Variants in GSAP observed in about 807,000 individuals in gnomAD.
The protein encoded by GSAP is gamma-secretase activating protein.
In GSAP, 118 loss-of-function variants were observed where a neutral mutation model predicts 131.7. That is an observed-to-expected ratio of 0.90 (90% CI 0.77 to 1.04). The LOEUF is 1.04. Ranked by LOEUF, GSAP falls within the 50% of genes least tolerant of loss-of-function variation. GSAP has a pLI of 0.00. For missense variants in GSAP, 1,019 were observed against 1,013.2 expected (o/e 1.01, Z -0.08); for synonymous variants, 381 against 363.4 (o/e 1.05, Z -0.55).
At chr7:77,313,335 G>A (rs906924909) in intron 28 of GSAP, among the ~76,000 whole-genome samples, 153 bp downstream of exon 28, 1 of 152,226 alleles carries the variant, frequency 6.6e-6, no homozygotes, top group Non-Finnish European at 1.5e-5. Flanking sequence ...CTAACAGAGG[G>A]CTGGGGACGG....
intron 12 of GSAP, among the ~76,000 whole-genome samples, chr7:77,367,397 CAG>C (rs989811763): frequency 6.6e-6 from 1 of 152,136 alleles, no homozygotes; most frequent in African/African-American, 2.4e-5. Context: ...CTAGTTTATT[CAG>C]AGTTTTTAAC....
intron 1 of GSAP, chr7:77,415,852 C>T (rs909236958): frequency 1.4e-5 from 3 of 220,044 alleles, no homozygotes; most frequent in Admixed American, 5.9e-5. Flanking sequence ...GATGAACCCC[C>T]CGGGAGGTGG....
intron 5 of GSAP, among the ~76,000 whole-genome samples, chr7:77,396,190 T>G (rs368269441): frequency 2.5e-3 from 384 of 151,796 alleles, no homozygotes; most frequent in African/African-American, 8.5e-3. Context: ...AGTCCCTATA[T>G]CTCTTGAACT....
intron 3 of GSAP, among the ~76,000 whole-genome samples, chr7:77,398,128 C>T (rs944891031): frequency 6.6e-6 from 1 of 152,150 alleles, no homozygotes; most frequent in African/African-American, 2.4e-5. Flanking sequence ...TAGGCAGGCT[C>T]TCTTAAAGAA....
At chr7:77,346,263 T>C (rs1334632066) in intron 19 of GSAP, among the ~76,000 whole-genome samples, 8 of 61,004 alleles carry the variant, frequency 1.3e-4, no homozygotes, top group African/African-American at 1.8e-4. Context: ...AGAATGAGAC[T>C]CCATCTCAAA....
intron 4 of GSAP, 57 bp from the exon 5 acceptor site, chr7:77,397,092 A>C: frequency 8.5e-7 from 1 of 1,170,394 alleles, no homozygotes; most frequent in Non-Finnish European, 1.3e-6. Context: ...AGCTTGTTAA[A>C]GTTTACCAGT....
intron 24 of GSAP, 50 bp downstream of exon 24, chr7:77,323,597 T>C (rs1191539858): frequency 1.1e-6 from 1 of 873,328 alleles, no homozygotes; most frequent in South Asian, 1.5e-5. Context: ...CAGAACTATA[T>C]GGGGAGTGGG....
At chr7:77,326,066 T>TG in intron 23 of GSAP, 146 bp downstream of exon 23, 2 of 611,182 alleles carry the variant, frequency 3.3e-6, no homozygotes, top group Non-Finnish European at 5.8e-6. Context: ...TGCTTACCAC[T>TG]GGGCACACAA....
Position 77,351,389 on chromosome 7 carries a change from C to T in GSAP, c.1491+1555G>A, listed in dbSNP as rs2150841816. 3.1e-6 allele frequency: 3 copies of T among 975,774 alleles called. 1 individual carries two copies. The highest frequency in any genetic ancestry group is 9.5e-5 in the South Asian group (2 of 21,044). 60.4% of individuals were successfully genotyped at this position (975,774 alleles called of 1,614,324 possible). Reference sequence around the variant, plus strand: ...GTTGTCTCCTACAAAAATGTGAAATCCATGTTTTCGCCTGTGGAAACTTTT... The same window carrying T: ...GTTGTCTCCTACAAAAATGTGAAATTCATGTTTTCGCCTGTGGAAACTTTT... On this transcript the variant is annotated intron_variant, in intron 18 of 30. Coordinates refer to ENST00000257626, the MANE Select transcript of GSAP (RefSeq NM_017439.4).
chr7:77,367,963 T>G (rs1198229607), intron 12 of GSAP, among the ~76,000 whole-genome samples: 1 of 152,210 alleles, frequency 6.6e-6, no homozygotes, highest in Non-Finnish European at 1.5e-5. Flanking sequence ...TATCTGTCTC[T>G]TCTAGGTTTT....
chr7:77,319,267 A>C (rs1189864835), intron 26 of GSAP, among the ~76,000 whole-genome samples: 1 of 152,240 alleles, frequency 6.6e-6, no homozygotes, highest in African/African-American at 2.4e-5. Flanking sequence ...CAAAGATTGC[A>C]GACAAATGGC....
At chr7:77,328,249 G>A (rs976871274) in intron 22 of GSAP, 38 of 1,042,530 alleles carry the variant, frequency 3.6e-5, no homozygotes, top group African/African-American at 3.0e-4. Flanking sequence ...GGCAAGACCC[G>A]GTAGGATCAG....
chr7:77,323,325 A>G lies in GSAP; in HGVS notation c.1923+322T>C, dbSNP rs543881315. 2.8e-4 allele frequency among the ~76,000 whole-genome samples: 43 copies of G among 152,324 alleles called. 2 individuals are homozygous for G. The South Asian group carries it at 8.9e-3, about 32-fold the overall frequency. On this transcript the variant is annotated intron_variant, in intron 24 of 30. Coordinates refer to ENST00000257626, the MANE Select transcript of GSAP (RefSeq NM_017439.4). Reference sequence around the variant, plus strand: ...TCTGCATAAACCTCCATGTACAGAAATCATCTACATGGAGCTGGAAGTTGC... The same window carrying G: ...TCTGCATAAACCTCCATGTACAGAAGTCATCTACATGGAGCTGGAAGTTGC...
chr7:77,311,434 T>C lies in GSAP; in HGVS notation c.2489A>G (p.Glu830Gly). ...TTCTGCATCCACATTGTCATGTCCT[T>C]CAAAAGGATACAGGGCTGGAAAAAA... Reference protein sequence around the residue: ...ESSNQALYPFEGHDNVDAEFV... With the variant: ...ESSNQALYPFGGHDNVDAEFV... The change falls in exon 31 of 31, where the codon GAA becomes GGA. Residue 830 changes from glutamate to glycine, a missense_variant. Physicochemically the swap from Glu to Gly is moderately conservative, Grantham distance 98 (BLOSUM62 -2). Coordinates refer to ENST00000257626, the MANE Select transcript of GSAP (RefSeq NM_017439.4). 6.2e-7 allele frequency: 1 copy of C among 1,607,280 alleles called. No individual in the cohort carries two copies. The highest frequency in any genetic ancestry group is 8.5e-7 in the Non-Finnish European group (1 of 1,174,096).
At chr7:77,365,960 T>C (rs1584513533) in intron 12 of GSAP, among the ~76,000 whole-genome samples, 2 of 150,428 alleles carry the variant, frequency 1.3e-5, no homozygotes, top group African/African-American at 4.9e-5. Context: ...TATGAGATGG[T>C]ATCTCATTGT....
intron 26 of GSAP, chr7:77,315,463 A>T (rs1242990103): frequency 6.6e-6 from 1 of 152,228 alleles, no homozygotes; most frequent in Non-Finnish European, 1.5e-5. Flanking sequence ...ACATGTACCA[A>T]GGCTTTCAAC....
chr7:77,311,608 A>G (rs1794364096), intron 30 of GSAP, 159 bp from the exon 31 acceptor site: 1 of 595,576 alleles, frequency 1.7e-6, no homozygotes, highest in Non-Finnish European at 3.0e-6. Flanking sequence ...CACCAAGAAC[A>G]TTTGCATCAA....
chr7:77,311,170 T>C lies in GSAP; in HGVS notation c.*188A>G. The C allele has an allele frequency of 1.8e-6, 1 of 547,584 alleles. No homozygotes were observed. The highest frequency in any genetic ancestry group is 3.3e-6 in the Non-Finnish European group (1 of 306,188). The allele number at this position is 547,584 out of a possible 1,614,324, so 33.9% of individuals were successfully genotyped here. On this transcript the variant is annotated 3_prime_UTR_variant, in exon 31 of 31. Coordinates refer to ENST00000257626, the MANE Select transcript of GSAP (RefSeq NM_017439.4). ...TCTCTACACTTGATTGCTCACTGGC[T>C]ATTCAAAATTGGAATGTGATACAGC...
chr7:77,350,477 T>C (rs975384531), intron 18 of GSAP, among the ~76,000 whole-genome samples: 18 of 150,706 alleles, frequency 1.2e-4, no homozygotes, highest in Non-Finnish European at 2.2e-4. Context: ...GGCTCGCGCC[T>C]GTAATCCCAG....
Sources: allele counts gnomAD v4.1 joint callset (sites outside exome capture counted in the v4.1 genomes callset), GRCh38; gene constraint gnomAD v4.1.1; transcripts MANE v1.5; gene names NCBI Gene and HGNC (gene_info 2026-07-23, HGNC 2026-07-21).